Variants in TTLL7 observed in about 807,000 individuals in gnomAD.
TTLL7 encodes tubulin tyrosine ligase like 7.
TTLL7 carries 53 observed loss-of-function variants against 120.2 expected under a neutral mutation model. The observed-to-expected ratio is 0.44, with a 90% CI of 0.35 to 0.55. TTLL7 has a LOEUF of 0.55. Ranked by LOEUF, TTLL7 falls within the 20% of genes least tolerant of loss-of-function variation. The pLI, the probability that TTLL7 is intolerant of heterozygous loss-of-function variation, is 0.00. For missense variants in TTLL7, 803 were observed against 1,054.7 expected, an observed-to-expected ratio of 0.76 and a Z score of 3.31; for synonymous variants, 353 against 351.7, an observed-to-expected ratio of 1.00 and a Z score of -0.04.
chr1:83,919,711 C>T lies in TTLL7; in HGVS notation c.1488G>A (p.Leu496=). Residue 496 remains leucine, a synonymous_variant, in exon 13 of 21, where the codon TTG becomes TTA. Coordinates refer to ENST00000260505, the MANE Select transcript of TTLL7 (RefSeq NM_024686.6). ...TTCATTCTCTTACCTTCATCCTTTT[C>T]AAAGGATTATTCAACTCTCGCTGGA... is the stretch of plus-strand genomic sequence containing the variant. ...ASFQRELNNP[L]KRMKEEDILD... 1 of 1,611,454 alleles carries T rather than the reference C, an allele frequency of 6.2e-7. No individual in the cohort carries two copies. Among genetic ancestry groups the T allele is most frequent in the Non-Finnish European group, 8.5e-7 (1 of 1,178,828 alleles).
chr1:83,904,303 A>T, intron 17 of TTLL7, 144 bp from the exon 18 acceptor site: 1 of 624,112 alleles, frequency 1.6e-6, no homozygotes. Flanking sequence ...TCTAATACAA[A>T]TTAAAGAAAC....
At chr1:83,988,903 T>C (rs1652731059) in intron 1 of TTLL7, among the ~76,000 whole-genome samples, 1 of 152,082 alleles carries the variant, frequency 6.6e-6, no homozygotes, top group Admixed American at 6.6e-5. Context: ...AGAGACGGGG[T>C]TTCACCATGT....
chr1:83,925,193 T>C (rs1346174521), intron 10 of TTLL7, among the ~76,000 whole-genome samples: 2 of 152,176 alleles, frequency 1.3e-5, no homozygotes, highest in Admixed American at 1.3e-4. Flanking sequence ...CCTGGGGCCC[T>C]GTATATCAAA....
At chr1:83,919,612 TTA>T in intron 13 of TTLL7, 85 bp downstream of exon 13, 1 of 1,229,014 alleles carries the variant, frequency 8.1e-7, no homozygotes, top group South Asian at 2.0e-5. Flanking sequence ...TAAAATGTTT[TTA>T]TATGTCGGAC....
Position 83,870,088 on chromosome 1 carries a change from A to G in TTLL7, c.2544-6T>C, listed in dbSNP as rs1653205326. 1 of 1,540,098 alleles carries G rather than the reference A, an allele frequency of 6.5e-7. No homozygotes were observed. Among genetic ancestry groups the G allele is most frequent in the Non-Finnish European group, 8.7e-7 (1 of 1,152,566 alleles). On this transcript the variant is annotated splice_region_variant and splice_polypyrimidine_tract_variant and intron_variant, in intron 20 of 20. Transcript: ENST00000260505. Reference sequence around the variant, plus strand: ...TGCTCCCTGGTAGTAAATACCTAAAAATGATGGTTAACAAATTAGATTTTT... The same window carrying G: ...TGCTCCCTGGTAGTAAATACCTAAAGATGATGGTTAACAAATTAGATTTTT...
intron 7 of TTLL7, among the ~76,000 whole-genome samples, chr1:83,938,290 T>G (rs560458954): frequency 6.6e-6 from 1 of 152,226 alleles, no homozygotes; most frequent in Non-Finnish European, 1.5e-5. Flanking sequence ...GAATATAGAG[T>G]AATTAAAATG....
chr1:83,941,067 A>C (rs574482648), intron 7 of TTLL7, among the ~76,000 whole-genome samples: 1 of 152,172 alleles, frequency 6.6e-6, no homozygotes, highest in Non-Finnish European at 1.5e-5. Context: ...CTTACCTCTG[A>C]GCCATTCTTT....
chr1:83,949,658 A>G (rs574702139), intron 4 of TTLL7: 28 of 515,870 alleles, frequency 5.4e-5, no homozygotes, highest in African/African-American at 5.2e-4. Flanking sequence ...TCTTCCCTAA[A>G]GATAGAAAGA....
Position 83,933,602 on chromosome 1 carries a change from C to T in TTLL7, c.1047+6G>A. ...AACTCTTCTTTTTTCTTAAAGAATG[C>T]CTTACCTCCAGAAGCCATGGCTTTA... is the stretch of plus-strand genomic sequence containing the variant. On this transcript the variant is annotated splice_donor_region_variant and intron_variant, in intron 9 of 20. Coordinates refer to ENST00000260505, the MANE Select transcript of TTLL7 (RefSeq NM_024686.6). The T allele has an allele frequency of 4.4e-6, 7 of 1,608,168 alleles. No homozygotes were observed. Among genetic ancestry groups the T allele is most frequent in the Non-Finnish European group, 5.9e-6 (7 of 1,178,034 alleles).
chr1:83,901,698 C>T (rs1270534048), intron 18 of TTLL7, among the ~76,000 whole-genome samples: 1 of 151,910 alleles, frequency 6.6e-6, no homozygotes, highest in African/African-American at 2.4e-5. Flanking sequence ...GTGTACTCTA[C>T]GTGGCACATG....
At chr1:83,881,683 T>G (rs920847062) in intron 20 of TTLL7, among the ~76,000 whole-genome samples, 1 of 151,670 alleles carries the variant, frequency 6.6e-6, no homozygotes, top group Non-Finnish European at 1.5e-5. Flanking sequence ...AGTGTGGCGA[T>G]TCCTCAGGGA....
At chr1:83,942,344 G>T in intron 7 of TTLL7, 119 bp downstream of exon 7, 1 of 744,616 alleles carries the variant, frequency 1.3e-6, no homozygotes, top group Non-Finnish European at 2.1e-6. Context: ...AATTCTTCCA[G>T]ACCACAAAAA....
intron 18 of TTLL7, 31 bp downstream of exon 18, chr1:83,904,047 GA>G: frequency 6.5e-7 from 1 of 1,548,118 alleles, no homozygotes; most frequent in Non-Finnish European, 8.9e-7. Context: ...CATAATCCAA[GA>G]GGGAAAAAAC....
At position 83,869,905 on chromosome 1, in the gene TTLL7, C is replaced by G. The variant is rs1570990638; in HGVS notation, c.*57G>C. The G allele has an allele frequency of 1.3e-6, 2 of 1,579,980 alleles. No individual in the cohort carries two copies. Among genetic ancestry groups the G allele is most frequent in the East Asian group, 4.6e-5 (2 of 43,502 alleles). ...GTCATGTTCTTTGCATGTTCAACTT[C>G]AGAGGAAAAAAATGAATTGCTGTTA... is the stretch of plus-strand genomic sequence containing the variant. On this transcript the variant is annotated 3_prime_UTR_variant, in exon 21 of 21. Transcript: ENST00000260505.
At chr1:83,948,266 A>C (rs1462034149) in intron 5 of TTLL7, among the ~76,000 whole-genome samples, 4 of 152,084 alleles carry the variant, frequency 2.6e-5, no homozygotes, top group Non-Finnish European at 5.9e-5. Context: ...AAAATAAACA[A>C]GTATCTCTTA....
chr1:83,946,061 T>C (rs1028065148), intron 6 of TTLL7: 2 of 152,214 alleles, frequency 1.3e-5, no homozygotes, highest in African/African-American at 4.8e-5. Flanking sequence ...ATGACTCATG[T>C]ATTTTTTTTT....
chr1:83,912,681 A>T (rs949149940), intron 14 of TTLL7, among the ~76,000 whole-genome samples: 4 of 152,186 alleles, frequency 2.6e-5, no homozygotes, highest in Non-Finnish European at 5.9e-5. Flanking sequence ...AAAAAGCATG[A>T]TCTTCTTAAA....
chr1:83,929,820 A>C (rs573163591), intron 9 of TTLL7, among the ~76,000 whole-genome samples: 1 of 152,284 alleles, frequency 6.6e-6, no homozygotes, highest in East Asian at 1.9e-4. Flanking sequence ...GATGTTTAAG[A>C]AAATTTCTTA....
At chr1:83,926,048 G>A (rs994240971) in intron 10 of TTLL7, among the ~76,000 whole-genome samples, 1 of 151,206 alleles carries the variant, frequency 6.6e-6, no homozygotes, top group Non-Finnish European at 1.5e-5. Flanking sequence ...TTGAACCTGG[G>A]AGATGGAGGT....
Sources: gnomAD v4.1 joint callset for allele counts (sites outside exome capture counted in the v4.1 genomes callset) on GRCh38, gnomAD v4.1.1 for gene constraint, MANE v1.5 for transcripts, NCBI Gene and HGNC (gene_info 2026-07-23, HGNC 2026-07-21) for gene names.